MYO1B: variants seen among roughly 807,000 people sequenced by gnomAD.
MYO1B encodes myosin IB.
MYO1B carries 72 observed loss-of-function variants against 159.7 expected under a neutral mutation model. The observed-to-expected ratio is 0.45, with a 90% CI of 0.37 to 0.55. MYO1B has a LOEUF of 0.55. Among genes scored for constraint, MYO1B ranks in the 20% least tolerant of loss-of-function variants. MYO1B has a pLI of 0.00. For missense variants in MYO1B, 1,062 were observed against 1,364.8 expected (o/e 0.78, Z 3.50); for synonymous variants, 468 against 473.8 (o/e 0.99, Z 0.16).
At chr2:191,369,470 C>A (rs1694227184) in intron 11 of MYO1B, 72 bp from the exon 12 acceptor site, 1 of 1,137,054 alleles carries the variant, frequency 8.8e-7, no homozygotes, top group African/African-American at 1.6e-5. Flanking sequence ...TTAAAAGTAT[C>A]TTTATGATTT....
intron 3 of MYO1B, among the ~76,000 whole-genome samples, chr2:191,308,428 C>A (rs1157480996): frequency 2.6e-5 from 4 of 152,136 alleles, no homozygotes; most frequent in African/African-American, 9.7e-5. Context: ...AATTAGTAGG[C>A]CACCTTTTTC....
intron 2 of MYO1B, among the ~76,000 whole-genome samples, chr2:191,292,275 G>A (rs1688729356): frequency 6.6e-6 from 1 of 152,152 alleles, no homozygotes; most frequent in South Asian, 2.1e-4. Flanking sequence ...AATATTTAAA[G>A]AGATTTATTC....
At chr2:191,356,755 G>A (rs1693319819) in intron 7 of MYO1B, among the ~76,000 whole-genome samples, 1 of 152,200 alleles carries the variant, frequency 6.6e-6, no homozygotes, top group Non-Finnish European at 1.5e-5. Context: ...TAGAATTTTA[G>A]ATTCAGATAC....
intron 2 of MYO1B, among the ~76,000 whole-genome samples, chr2:191,293,675 A>G (rs999711600): frequency 3.9e-5 from 6 of 152,142 alleles, no homozygotes; most frequent in African/African-American, 1.2e-4. Flanking sequence ...TCTCATCACC[A>G]TCTTGGTTTT....
At chr2:191,344,343 T>C (rs532385047) in intron 5 of MYO1B, among the ~76,000 whole-genome samples, 1 of 152,312 alleles carries the variant, frequency 6.6e-6, no homozygotes, top group African/African-American at 2.4e-5. Flanking sequence ...AAGCATCCTT[T>C]TTTGAATATT....
chr2:191,310,936 T>G (rs995499145), intron 3 of MYO1B, among the ~76,000 whole-genome samples: 1 of 152,246 alleles, frequency 6.6e-6, no homozygotes, highest in African/African-American at 2.4e-5. Context: ...GTTAATTCAT[T>G]TGTTTTACAA....
At chr2:191,298,871 T>C (rs543940474) in intron 3 of MYO1B, among the ~76,000 whole-genome samples, 46 of 152,258 alleles carry the variant, frequency 3.0e-4, no homozygotes, top group Middle Eastern at 3.4e-3. Context: ...GGTATTAACA[T>C]TGGTTGCCCC....
At chr2:191,302,259 C>G (rs1217353238) in intron 3 of MYO1B, among the ~76,000 whole-genome samples, 1 of 152,202 alleles carries the variant, frequency 6.6e-6, no homozygotes, top group African/African-American at 2.4e-5. Context: ...GTGTCACCCT[C>G]TTGAATGAGA....
chr2:191,255,681 ATTT>A (rs1267122549), intron 1 of MYO1B, among the ~76,000 whole-genome samples: 2 of 152,316 alleles, frequency 1.3e-5, no homozygotes, highest in Admixed American at 6.5e-5. Flanking sequence ...GAAGGTATTT[ATTT>A]TTTATCAGTA....
At chr2:191,323,562 C>T (rs945209325) in intron 3 of MYO1B, among the ~76,000 whole-genome samples, 5 of 152,174 alleles carry the variant, frequency 3.3e-5, no homozygotes, top group Middle Eastern at 3.4e-3. Context: ...AAATGTGAAA[C>T]GTGGTATATG....
intron 1 of MYO1B, among the ~76,000 whole-genome samples, chr2:191,258,319 G>A (rs966209531): frequency 1.3e-5 from 2 of 152,172 alleles, no homozygotes; most frequent in Admixed American, 1.3e-4. Context: ...TAAAGATATG[G>A]TATAAAAGAT....
chr2:191,294,438 T>C (rs2125806180), intron 2 of MYO1B, among the ~76,000 whole-genome samples: 1 of 152,370 alleles, frequency 6.6e-6, no homozygotes, highest in Non-Finnish European at 1.5e-5. Context: ...AACCAATGGC[T>C]ATATTTTCAT....
chr2:191,285,926 A>G (rs886554822), intron 2 of MYO1B, among the ~76,000 whole-genome samples: 5 of 152,158 alleles, frequency 3.3e-5, no homozygotes, highest in Admixed American at 3.3e-4. Context: ...TCATTAATAC[A>G]GGAAATGGAC....
chr2:191,367,565 T>A (rs183802171), intron 11 of MYO1B, among the ~76,000 whole-genome samples: 3 of 152,242 alleles, frequency 2.0e-5, no homozygotes, highest in Non-Finnish European at 2.9e-5. Context: ...GAATACACTT[T>A]AAAAAATATA....
At chr2:191,330,890 T>G (rs1691427460) in intron 4 of MYO1B, among the ~76,000 whole-genome samples, 1 of 152,220 alleles carries the variant, frequency 6.6e-6, no homozygotes, top group Non-Finnish European at 1.5e-5. Context: ...ACATGGCTGG[T>G]TAGTTGTAAC....
Position 191,400,426 on chromosome 2 carries a change from G to C in MYO1B, c.2340G>C (p.Lys780Asn), listed in dbSNP as rs775195122. The stretch of plus-strand genomic sequence containing the variant: ...AACTGAAGCATCAAAAGCGCTGTAA[G>C]GAAGCAGTCACGACCATTGCTGCAT... ...LRELKHQKRCKEAVTTIAAYW... is the reference protein window; with the variant it reads ...LRELKHQKRCNEAVTTIAAYW... Residue 780 changes from lysine to asparagine, a missense_variant, in exon 22 of 31, where the codon AAG becomes AAC. Lys to Asn is a moderately conservative substitution (Grantham distance 94). This residue lies in a region of MYO1B where 609 missense variants were observed against 744.4 expected (regional missense o/e 0.82). Coordinates refer to ENST00000392318, the MANE Select transcript of MYO1B (RefSeq NM_001130158.3). 8.7e-6 allele frequency: 14 copies of C among 1,614,148 alleles called. No homozygotes were observed. The highest frequency in any genetic ancestry group is 1.2e-5 in the Non-Finnish European group (14 of 1,180,032).
chr2:191,375,764 G>T (rs189002514), intron 13 of MYO1B, among the ~76,000 whole-genome samples: 16 of 152,130 alleles, frequency 1.1e-4, no homozygotes, highest in Admixed American at 2.6e-4. Flanking sequence ...TTCAAGACCA[G>T]CCTGACCAAC....
chr2:191,389,676 C>T (rs976661735), intron 17 of MYO1B, among the ~76,000 whole-genome samples: 8 of 152,176 alleles, frequency 5.3e-5, no homozygotes, highest in African/African-American at 1.4e-4. Context: ...AAAGTTTTTC[C>T]CTGGGCAGCA....
chr2:191,358,179 A>G (rs577827380), intron 7 of MYO1B, among the ~76,000 whole-genome samples: 1 of 152,278 alleles, frequency 6.6e-6, no homozygotes, highest in Middle Eastern at 3.4e-3. Flanking sequence ...TTCTGGCTCT[A>G]TTGCTTACCA....
Sources: allele counts gnomAD v4.1 joint callset (sites outside exome capture counted in the v4.1 genomes callset), GRCh38; gene constraint gnomAD v4.1.1; regional missense constraint gnomAD v4.1.1; transcripts MANE v1.5; gene names NCBI Gene and HGNC (gene_info 2026-07-23, HGNC 2026-07-21).